RIIAD1: variants seen among roughly 807,000 people sequenced by gnomAD.
RIIAD1 encodes the protein regulatory subunit of type II PKA R-subunit domain containing 1.
A neutral mutation model predicts 13.3 loss-of-function variants in RIIAD1; 15 were observed. That is an observed-to-expected ratio of 1.13 (90% CI 0.76 to 1.74). The LOEUF is 1.74. RIIAD1 is among the 40% of genes most tolerant of loss of function. RIIAD1 has a pLI of 0.00. For synonymous variants in RIIAD1, 50 were observed against 43.3 expected, an observed-to-expected ratio of 1.16 and a Z score of -0.61; for missense variants, 121 against 112.2, an observed-to-expected ratio of 1.08 and a Z score of -0.35.
At chr1:151,726,163 G>C (rs867366746) in intron 2 of RIIAD1, among the ~76,000 whole-genome samples, 3 of 151,988 alleles carry the variant, frequency 2.0e-5, no homozygotes, top group South Asian at 2.1e-4. Context: ...GTACTTCAAG[G>C]GTCCTCTCAA....
chr1:151,721,208 C>G (rs977923048), upstream of RIIAD1, among the ~76,000 whole-genome samples: 2 of 152,222 alleles, frequency 1.3e-5, no homozygotes, highest in Non-Finnish European at 2.9e-5. Context: ...TAGGCTTCCT[C>G]TAGCTTCTGT....
intron 1 of RIIAD1, 48 bp downstream of exon 1, chr1:151,721,668 C>T: frequency 8.5e-7 from 1 of 1,172,230 alleles, no homozygotes. Flanking sequence ...GTGTAGCTGC[C>T]CCAGGACTGG....
rs74336793 is a variant in RIIAD1 at position 151,722,696 on chromosome 1, G to A, written c.161+534G>A. 9.8e-4 allele frequency among the ~76,000 whole-genome samples: 150 copies of A among 152,310 alleles called. 3 individuals are homozygous for A. The East Asian group carries it at 0.027, about 28-fold the overall frequency. The stretch of plus-strand genomic sequence containing the variant: ...AATGCTGTTTGGTTATAGACAAATA[G>A]ACAAGGTTTAAATAATTATAATGGC... On this transcript the variant is annotated intron_variant, in intron 2 of 4. Transcript: ENST00000479191.
At chr1:151,721,044 C>T (rs563910138), upstream of RIIAD1, among the ~76,000 whole-genome samples, 7 of 152,318 alleles carry the variant, frequency 4.6e-5, no homozygotes, top group Non-Finnish European at 1.0e-4. Context: ...AACGTTCCTT[C>T]CTTTGCAGAA....
intron 3 of RIIAD1, chr1:151,728,406 A>G (rs1251114248): frequency 7.6e-6 from 2 of 262,802 alleles, no homozygotes; most frequent in Non-Finnish European, 1.4e-5. Flanking sequence ...CAGAAAACCC[A>G]GAGAATCCCT....
chr1:151,716,774 T>C (rs1673508131), upstream of RIIAD1: 2 of 461,716 alleles, frequency 4.3e-6, no homozygotes, highest in South Asian at 3.1e-5. Flanking sequence ...GGAGCTCTGC[T>C]CTCCGGCCGC....
At chr1:151,719,636 G>T (rs1020675726), upstream of RIIAD1, 2 of 702,750 alleles carry the variant, frequency 2.8e-6, no homozygotes, top group African/African-American at 3.5e-5. Context: ...AGTGCACAAA[G>T]AATTGATTCT....
chr1:151,717,961 G>A (rs1673612592), upstream of RIIAD1, among the ~76,000 whole-genome samples: 1 of 152,078 alleles, frequency 6.6e-6, no homozygotes, highest in Non-Finnish European at 1.5e-5. Context: ...TGTCAGTGGT[G>A]GTAGCCCTTG....
At chr1:151,719,286 A>T (rs1267754413), upstream of RIIAD1, among the ~76,000 whole-genome samples, 1 of 152,028 alleles carries the variant, frequency 6.6e-6, no homozygotes, top group Non-Finnish European at 1.5e-5. Context: ...AAGGCAGGGG[A>T]GCCCTGAGAC....
chr1:151,712,562 C>A (rs114957724), intron 2 of RIIAD1, among the ~76,000 whole-genome samples: 1 of 152,176 alleles, frequency 6.6e-6, no homozygotes, highest in Non-Finnish European at 1.5e-5. Context: ...GGACAGAGGG[C>A]AACCCCCACT....
At chr1:151,726,503 T>C (rs1673831587) in intron 2 of RIIAD1, among the ~76,000 whole-genome samples, 1 of 151,806 alleles carries the variant, frequency 6.6e-6, no homozygotes, top group Admixed American at 6.6e-5. Context: ...TCTTGGGGAG[T>C]TGGGAGGCCT....
chr1:151,715,905 A>T, intron 4 of RIIAD1: 1 of 1,613,960 alleles, frequency 6.2e-7, no homozygotes, highest in African/African-American at 1.3e-5. Context: ...CTTGTCCTTG[A>T]TGACAGTCAG....
chr1:151,720,195 A>G (rs1571947465), upstream of RIIAD1, among the ~76,000 whole-genome samples: 1 of 152,144 alleles, frequency 6.6e-6, no homozygotes, highest in East Asian at 1.9e-4. Context: ...GCCACTTTTC[A>G]AGTGTTCAAG....
intron 4 of RIIAD1, 34 bp downstream of exon 4, chr1:151,728,927 C>A: frequency 1.4e-6 from 1 of 716,208 alleles, no homozygotes; most frequent in Non-Finnish European, 2.5e-6. Context: ...ACAGAGGCTT[C>A]TTTACTCTTG....
chr1:151,718,211 C>A (rs1222025533), upstream of RIIAD1, among the ~76,000 whole-genome samples: 1 of 152,186 alleles, frequency 6.6e-6, no homozygotes, highest in Non-Finnish European at 1.5e-5. Flanking sequence ...TTACATGGCT[C>A]TTACAGTGTC....
intron 2 of RIIAD1, among the ~76,000 whole-genome samples, chr1:151,725,392 A>G (rs1673812946): frequency 6.6e-6 from 1 of 152,156 alleles, no homozygotes; most frequent in African/African-American, 2.4e-5. Flanking sequence ...TTACAAATAC[A>G]GCAGTAATCA....
At chr1:151,714,317 C>G in intron 3 of RIIAD1, 1 of 599,984 alleles carries the variant, frequency 1.7e-6, no homozygotes, top group Non-Finnish European at 3.0e-6. Context: ...AGTCCTCCCT[C>G]TAGTGTTGCC....
intron 1 of RIIAD1, 22 bp from the exon 2 acceptor site, chr1:151,722,064 A>T: frequency 1.3e-6 from 2 of 1,516,868 alleles, no homozygotes; most frequent in Non-Finnish European, 1.8e-6. Flanking sequence ...AATGGAAGTG[A>T]CCCTTTGTTC....
At chr1:151,724,881 C>T (rs1673799070) in intron 2 of RIIAD1, among the ~76,000 whole-genome samples, 1 of 151,458 alleles carries the variant, frequency 6.6e-6, no homozygotes, top group Non-Finnish European at 1.5e-5. Context: ...CTCACTGCAA[C>T]CTCCGCCTCC....
Sources: gnomAD v4.1 joint callset for allele counts (sites outside exome capture counted in the v4.1 genomes callset) on GRCh38, gnomAD v4.1.1 for gene constraint, MANE v1.5 for transcripts, NCBI Gene and HGNC (gene_info 2026-07-23, HGNC 2026-07-21) for gene names.